The following PCDH11X variants were observed in gnomAD, a reference collection of about 807,000 sequenced individuals.
The protein encoded by PCDH11X is protocadherin-11 X-linked.
A neutral mutation model predicts 53.3 loss-of-function variants in PCDH11X; 18 were observed. The observed-to-expected ratio is 0.34, with a 90% CI of 0.23 to 0.50. PCDH11X has a LOEUF of 0.50. Among genes scored for constraint, PCDH11X ranks in the 20% least tolerant of loss-of-function variants. The pLI is 0.98. For synonymous variants in PCDH11X, 279 were observed against 393.3 expected (o/e 0.71, Z 3.44); for missense variants, 570 against 1,032.4 (o/e 0.55, Z 6.14).
intron 6 of PCDH11X, among the ~76,000 whole-genome samples, chrX:92,070,566 T>C (rs897181381): frequency 1.8e-5 from 2 of 111,462 alleles, no homozygotes; most frequent in African/African-American, 6.5e-5. Context: ...GTTATTTGTT[T>C]CTTTTCTCTT....
At chrX:92,568,354 G>A (rs1382845251) in intron 10 of PCDH11X, among the ~76,000 whole-genome samples, 3 of 109,218 alleles carry the variant, frequency 2.7e-5, no homozygotes, top group Non-Finnish European at 3.8e-5. Flanking sequence ...CGTGGGAGGC[G>A]GAGCTTGCAG....
intron 5 of PCDH11X, among the ~76,000 whole-genome samples, chrX:91,843,261 TTATGTGTGTGTGTG>T (rs1262742585): frequency 1.7e-5 from 1 of 57,415 alleles, no homozygotes; most frequent in Non-Finnish European, 3.2e-5. Flanking sequence ...ACATACATAC[TTATGTGTGTGTGTG>T]TGTGTGTGTG....
In PCDH11X at chrX:92,274,800, A is replaced by T. The variant is rs192370511; in HGVS notation, c.3144+11657A>T. 2.4e-4 allele frequency among the ~76,000 whole-genome samples: 26 copies of T among 110,290 alleles called. 1 individual carries two copies. Among genetic ancestry groups the T allele is most frequent in the African/African-American group, 8.3e-4 (25 of 30,239 alleles). ...CCTGCCTTTGCTGGTGTGTGGCGAT[A>T]AGGCCTGGTAGAACTGCCATCAATA... On this transcript the variant is annotated intron_variant, in intron 8 of 10. Transcript: ENST00000682573.
At chrX:92,103,488 C>T (rs895168601) in intron 6 of PCDH11X, among the ~76,000 whole-genome samples, 5 of 111,428 alleles carry the variant, frequency 4.5e-5, no homozygotes, top group East Asian at 2.9e-4. Flanking sequence ...GCTTCTGAGG[C>T]GATCGGGCAG....
intron 6 of PCDH11X, among the ~76,000 whole-genome samples, chrX:92,029,626 T>A (rs1298591413): frequency 9.1e-6 from 1 of 110,284 alleles, no homozygotes; most frequent in African/African-American, 3.3e-5. Context: ...TACAGGTGAG[T>A]TGTTGTTTAG....
At position 92,413,224 on chromosome X, in the gene PCDH11X, A is replaced by AT. The variant is rs772180066; in HGVS notation, c.3343+25297dup. 4.9e-4 allele frequency among the ~76,000 whole-genome samples: 24 copies of AT among 48,605 alleles called. No homozygotes were observed. The East Asian group carries it at 5.0e-3, about 10-fold the overall frequency. 42.2% of individuals were successfully genotyped at this position (48,605 alleles called of 115,157 possible). A position where few individuals can be genotyped will look rare whatever the true frequency, so the allele number is the denominator to read the frequency against. On this transcript the variant is annotated intron_variant, in intron 9 of 10. Coordinates refer to ENST00000682573, the MANE Select transcript of PCDH11X (RefSeq NM_032968.5). The stretch of plus-strand genomic sequence containing the variant: ...CATGAGTCCACCATTTTGCTGGATT[A>AT]TTTTTTCTATTCATTCTTTATTTAT...
intron 9 of PCDH11X, among the ~76,000 whole-genome samples, chrX:92,462,423 T>A (rs1325290573): frequency 9.0e-6 from 1 of 111,302 alleles, no homozygotes; most frequent in Non-Finnish European, 1.9e-5. Flanking sequence ...CCAAGTCCCA[T>A]TTAAAAATGG....
At chrX:91,850,383 C>G (rs1283273533) in intron 5 of PCDH11X, among the ~76,000 whole-genome samples, 1 of 111,034 alleles carries the variant, frequency 9.0e-6, no homozygotes, top group Non-Finnish European at 1.9e-5. Flanking sequence ...AACCATTTTT[C>G]TTACAATTAG....
At chrX:92,545,463 G>T (rs9943011) in intron 10 of PCDH11X, among the ~76,000 whole-genome samples, 2,875 of 98,541 alleles carry the variant, frequency 0.029, 111 homozygotes, top group African/African-American at 0.1. Flanking sequence ...ATGCAGTGGA[G>T]CCGTCTGGGC....
intron 6 of PCDH11X, among the ~76,000 whole-genome samples, chrX:92,092,600 C>G (rs1439059257): frequency 2.6e-4 from 29 of 111,141 alleles, no homozygotes; most frequent in Admixed American, 2.5e-3. Context: ...GAGAGAGCTT[C>G]CAGGTCATAG....
At chrX:92,254,703 T>A (rs1303625080) in intron 7 of PCDH11X, among the ~76,000 whole-genome samples, 1 of 108,402 alleles carries the variant, frequency 9.2e-6, no homozygotes, top group Non-Finnish European at 1.9e-5. Flanking sequence ...CTTATGAAGC[T>A]TAGTTTGCCT....
At chrX:91,906,565 A>C (rs1338220672) in intron 6 of PCDH11X, among the ~76,000 whole-genome samples, 1 of 111,548 alleles carries the variant, frequency 9.0e-6, no homozygotes, top group African/African-American at 3.3e-5. Flanking sequence ...TCAGCCTGAC[A>C]GGTGATTTAT....
chrX:92,487,608 G>A lies in PCDH11X; in HGVS notation c.3367+19286G>A, dbSNP rs762225793. On this transcript the variant is annotated intron_variant, in intron 10 of 10. Coordinates refer to ENST00000682573, the MANE Select transcript of PCDH11X (RefSeq NM_032968.5). The stretch of plus-strand genomic sequence containing the variant: ...ATTAGAAATTCTGAGCCTTTACTCT[G>A]TGTCAGGCCTTGTGGTAGGAGCTGG... Among the ~76,000 whole-genome samples the A allele has an allele frequency of 2.7e-5, 3 of 110,778 alleles. 1 individual carries two copies. In the East Asian group the frequency reaches 8.6e-4, roughly 32 times the overall value.
At chrX:92,378,677 C>T (rs754582961) in intron 8 of PCDH11X, among the ~76,000 whole-genome samples, 4 of 111,476 alleles carry the variant, frequency 3.6e-5, no homozygotes, top group African/African-American at 1.3e-4. Context: ...CTGGTGAAGG[C>T]TCACTTCCTG....
chrX:91,918,543 C>T (rs1288740114), intron 6 of PCDH11X, among the ~76,000 whole-genome samples: 1 of 110,733 alleles, frequency 9.0e-6, no homozygotes, highest in African/African-American at 3.3e-5. Flanking sequence ...GATAATGATA[C>T]ATAACAATAA....
chrX:92,216,849 A>T (rs1165493634), intron 7 of PCDH11X, among the ~76,000 whole-genome samples: 1 of 105,316 alleles, frequency 9.5e-6, no homozygotes, highest in African/African-American at 3.5e-5. Flanking sequence ...CTAACAGCGG[A>T]TCTCTCGGCA....
chrX:92,176,505 C>A (rs905349627), intron 6 of PCDH11X, among the ~76,000 whole-genome samples: 1 of 111,869 alleles, frequency 8.9e-6, no homozygotes, highest in Non-Finnish European at 1.9e-5. Flanking sequence ...ATTCAACATG[C>A]GAAACATTTG....
chrX:92,289,373 A>T (rs1308171133), intron 8 of PCDH11X, among the ~76,000 whole-genome samples: 1 of 111,577 alleles, frequency 9.0e-6, no homozygotes, highest in Non-Finnish European at 1.9e-5. Context: ...ATGAGGCTCA[A>T]TTATTCCAAC....
chrX:92,034,483 A>C (rs74384494), intron 6 of PCDH11X, among the ~76,000 whole-genome samples: 1 of 106,859 alleles, frequency 9.4e-6, no homozygotes. Flanking sequence ...CTACTTTATC[A>C]TTATACTATA....
Sources: allele counts gnomAD v4.1 joint callset (sites outside exome capture counted in the v4.1 genomes callset), GRCh38; gene constraint gnomAD v4.1.1; transcripts MANE v1.5; gene names NCBI Gene and HGNC (gene_info 2026-07-23, HGNC 2026-07-21).